The following MAGI2 variants were observed in gnomAD, a reference collection of about 807,000 sequenced individuals.
MAGI2 encodes membrane-associated guanylate kinase, WW and PDZ domain-containing protein 2.
A neutral mutation model predicts 133.3 loss-of-function variants in MAGI2; 35 were observed. The observed-to-expected ratio is 0.26, with a 90% CI of 0.20 to 0.35. The LOEUF is 0.35. MAGI2 is among the 10% of genes least tolerant of loss of function. The pLI is 1.00. For missense variants in MAGI2, 1,636 were observed against 1,863.4 expected (o/e 0.88, Z 2.25); for synonymous variants, 729 against 710.6 (o/e 1.03, Z -0.41).
chr7:79,433,139 G>C (rs936351436), intron 1 of MAGI2, among the ~76,000 whole-genome samples: 4 of 152,196 alleles, frequency 2.6e-5, no homozygotes, highest in Admixed American at 2.6e-4. Flanking sequence ...ACCTAAAATT[G>C]AGACTATTCC....
chr7:78,336,881 G>T (rs1789831855), intron 9 of MAGI2, among the ~76,000 whole-genome samples: 1 of 152,180 alleles, frequency 6.6e-6, no homozygotes, highest in Non-Finnish European at 1.5e-5. Flanking sequence ...TAATAAAATG[G>T]ATAAATACTA....
chr7:78,855,487 G>A (rs540374280), intron 2 of MAGI2, among the ~76,000 whole-genome samples: 103 of 152,252 alleles, frequency 6.8e-4, no homozygotes, highest in African/African-American at 2.0e-3. Context: ...TCCCACTTAT[G>A]AGTGAGAACA....
chr7:78,894,128 G>A (rs140661940), intron 2 of MAGI2, among the ~76,000 whole-genome samples: 116 of 152,308 alleles, frequency 7.6e-4, no homozygotes, highest in African/African-American at 2.5e-3. Context: ...TTGGCCGGGC[G>A]CTGTGGCTCA....
Position 78,072,054 on chromosome 7 carries a change from C to T in MAGI2, c.3706+6893G>A, listed in dbSNP as rs1585015331. ...CAGGGTGTGAGGTAACACGTCCGGG[C>T]TCCCAGAAGTGGCTGATGGCCACCG... On this transcript the variant is annotated intron_variant, in intron 21 of 21. Coordinates refer to ENST00000354212, the MANE Select transcript of MAGI2 (RefSeq NM_012301.4). Among the ~76,000 whole-genome samples, 4 of 152,258 alleles carry T rather than the reference C, an allele frequency of 2.6e-5. No individual in the cohort carries two copies. The South Asian group carries it at 8.3e-4, about 32-fold the overall frequency.
chr7:79,011,474 C>T (rs984312), intron 1 of MAGI2, among the ~76,000 whole-genome samples: 88,833 of 151,918 alleles, frequency 0.58, 26,332 homozygotes, highest in East Asian at 0.63. Context: ...GTAGTCCCAT[C>T]TAGTAAAGTA....
At chr7:78,788,703 T>TA (rs34806139) in intron 2 of MAGI2, among the ~76,000 whole-genome samples, 2,430 of 152,330 alleles carry the variant, frequency 0.016, 33 homozygotes, top group Non-Finnish European at 0.022. Flanking sequence ...CACCCTTTTT[T>TA]ATTCAGGGAT....
intron 3 of MAGI2, among the ~76,000 whole-genome samples, chr7:78,589,279 T>C (rs960107289): frequency 6.6e-6 from 1 of 152,224 alleles, no homozygotes; most frequent in Non-Finnish European, 1.5e-5. Context: ...GTAAGAATTT[T>C]ACATAAATTA....
chr7:78,226,158 GTCTT>G (rs1173539319), intron 10 of MAGI2, among the ~76,000 whole-genome samples: 9 of 152,002 alleles, frequency 5.9e-5, no homozygotes, highest in South Asian at 2.1e-4. Flanking sequence ...AATTTTTTAT[GTCTT>G]TCTTTGAGCA....
intron 6 of MAGI2, among the ~76,000 whole-genome samples, chr7:78,378,207 A>C (rs1438405167): frequency 6.6e-6 from 1 of 152,096 alleles, no homozygotes; most frequent in Admixed American, 6.6e-5. Context: ...AGCCAAGAGA[A>C]TGTAAATGAA....
At chr7:79,141,717 C>T (rs1460707636) in intron 1 of MAGI2, among the ~76,000 whole-genome samples, 1 of 151,920 alleles carries the variant, frequency 6.6e-6, no homozygotes, top group Non-Finnish European at 1.5e-5. Context: ...TATTCACCAT[C>T]ACAAAGTTGA....
At position 78,273,748 on chromosome 7, in the gene MAGI2, C is replaced by A. The variant is rs539786785; in HGVS notation, c.1409-17167G>T. 1.1e-4 allele frequency among the ~76,000 whole-genome samples: 16 copies of A among 152,126 alleles called. No individual in the cohort carries two copies. In the South Asian group the frequency reaches 2.1e-3, roughly 20 times the overall value. The stretch of plus-strand genomic sequence containing the variant: ...ATTCGGCTATTGATACTTATGTATA[C>A]TTCAAGAAGTTCTTGTGCTGTGTTT... On this transcript the variant is annotated intron_variant, in intron 9 of 21. Transcript: ENST00000354212.
intron 1 of MAGI2, among the ~76,000 whole-genome samples, chr7:79,380,820 T>A (rs1339910091): frequency 6.6e-6 from 1 of 151,880 alleles, no homozygotes; most frequent in African/African-American, 2.4e-5. Context: ...AAAATACACT[T>A]CTTTAAAGTA....
At chr7:79,331,164 C>T (rs1201504709) in intron 1 of MAGI2, among the ~76,000 whole-genome samples, 2 of 152,154 alleles carry the variant, frequency 1.3e-5, no homozygotes, top group Non-Finnish European at 1.5e-5. Context: ...TTATCCTTTC[C>T]ATTTTCAGGC....
rs574525028 is a variant in MAGI2, at chr7:79,374,770, A to G, written c.301+78250T>C. On this transcript the variant is annotated intron_variant, in intron 1 of 21. Coordinates refer to ENST00000354212, the MANE Select transcript of MAGI2 (RefSeq NM_012301.4). ...GAAACATTTCTTTATGGGTATAAAG[A>G]GTCTATGCTGTGACAACTCAGCAGT... Among the ~76,000 whole-genome samples the G allele has an allele frequency of 3.5e-4, 53 of 152,098 alleles. 1 individual carries two copies. The South Asian group carries it at 0.011, about 31-fold the overall frequency.
At chr7:78,551,742 T>A (rs1490381625) in intron 3 of MAGI2, among the ~76,000 whole-genome samples, 4 of 152,084 alleles carry the variant, frequency 2.6e-5, no homozygotes, top group African/African-American at 9.7e-5. Context: ...GTTTGCATTG[T>A]TTTGTTTGTT....
intron 9 of MAGI2, among the ~76,000 whole-genome samples, chr7:78,298,407 A>C (rs927874322): frequency 7.2e-5 from 11 of 152,228 alleles, no homozygotes; most frequent in African/African-American, 2.7e-4. Flanking sequence ...TGGTTCATTA[A>C]GGGTAACAAA....
chr7:78,918,850 T>C (rs1799000635), intron 2 of MAGI2, among the ~76,000 whole-genome samples: 1 of 152,112 alleles, frequency 6.6e-6, no homozygotes, highest in African/African-American at 2.4e-5. Context: ...GAAACTCATT[T>C]TACAACAAAT....
intron 1 of MAGI2, among the ~76,000 whole-genome samples, chr7:79,026,240 T>TG (rs1413814415): frequency 6.6e-6 from 1 of 152,206 alleles, no homozygotes; most frequent in African/African-American, 2.4e-5. Flanking sequence ...CCCCATTCCC[T>TG]GATTACATGC....
intron 3 of MAGI2, among the ~76,000 whole-genome samples, chr7:78,556,667 T>C (rs2150722996): frequency 6.6e-6 from 1 of 152,306 alleles, no homozygotes; most frequent in Middle Eastern, 3.4e-3. Flanking sequence ...TTGCTCACTA[T>C]TGTCTAAGTA....
Sources: allele counts gnomAD v4.1 joint callset (sites outside exome capture counted in the v4.1 genomes callset), GRCh38; gene constraint gnomAD v4.1.1; transcripts MANE v1.5; gene names NCBI Gene and HGNC (gene_info 2026-07-23, HGNC 2026-07-21).